The following SLX4IP variants were observed in gnomAD, a reference collection of about 807,000 sequenced individuals.
The protein encoded by SLX4IP is protein SLX4IP.
SLX4IP carries 34 observed loss-of-function variants against 32.9 expected under a neutral mutation model. That is an observed-to-expected ratio of 1.03 (90% CI 0.79 to 1.38). The LOEUF (loss-of-function observed/expected upper bound fraction) is 1.38, where lower values mean the gene tolerates loss of function less well. Ranked by LOEUF, SLX4IP falls within the 40% of genes most tolerant of loss-of-function variation. SLX4IP has a pLI of 0.00. For synonymous variants in SLX4IP, 172 were observed against 171.7 expected (o/e 1.00, Z -0.01); for missense variants, 444 against 479.0 (o/e 0.93, Z 0.68).
intron 2 of SLX4IP, among the ~76,000 whole-genome samples, chr20:10,482,275 G>T (rs1216016867): frequency 3.9e-5 from 6 of 152,154 alleles, no homozygotes; most frequent in Non-Finnish European, 7.3e-5. Context: ...TTCCTTTTGG[G>T]TTGGACATGT....
intron 4 of SLX4IP, among the ~76,000 whole-genome samples, chr20:10,562,252 G>A (rs2066341034): frequency 6.6e-6 from 1 of 152,208 alleles, no homozygotes; most frequent in Non-Finnish European, 1.5e-5. Context: ...TCACACGTGG[G>A]CTTGGAGAAT....
At chr20:10,439,413 T>C (rs1298274802) in intron 1 of SLX4IP, among the ~76,000 whole-genome samples, 1 of 152,132 alleles carries the variant, frequency 6.6e-6, no homozygotes, top group Non-Finnish European at 1.5e-5. Context: ...TTTTACCATG[T>C]TACCCAGACC....
At chr20:10,523,658 C>G (rs1211977545) in intron 2 of SLX4IP, among the ~76,000 whole-genome samples, 1 of 152,244 alleles carries the variant, frequency 6.6e-6, no homozygotes, top group Non-Finnish European at 1.5e-5. Flanking sequence ...CGGTGCCCGG[C>G]ACCAAACACC....
chr20:10,436,749 T>C (rs2065119135), intron 1 of SLX4IP, among the ~76,000 whole-genome samples: 1 of 152,172 alleles, frequency 6.6e-6, no homozygotes, highest in African/African-American at 2.4e-5. Flanking sequence ...ATTTGACAGG[T>C]TTTTTTCTGT....
chr20:10,618,941 G>T (rs1415890180), intron 6 of SLX4IP, among the ~76,000 whole-genome samples: 1 of 128,016 alleles, frequency 7.8e-6, no homozygotes, highest in African/African-American at 2.8e-5. Context: ...CTTGGGGGTT[G>T]GGGGGGCGGG....
chr20:10,473,989 A>AT (rs2065451330), intron 2 of SLX4IP, among the ~76,000 whole-genome samples: 1 of 151,932 alleles, frequency 6.6e-6, no homozygotes, highest in South Asian at 2.1e-4. Context: ...TGCCTGGCTA[A>AT]TTTTTGTATT....
At chr20:10,461,750 C>T (rs1180915706) in intron 2 of SLX4IP, among the ~76,000 whole-genome samples, 1 of 152,156 alleles carries the variant, frequency 6.6e-6, no homozygotes, top group East Asian at 1.9e-4. Flanking sequence ...TTGCCTTTCC[C>T]TGTTTTTCTT....
intron 2 of SLX4IP, among the ~76,000 whole-genome samples, chr20:10,504,149 G>T (rs1035077344): frequency 1.3e-5 from 2 of 152,116 alleles, no homozygotes; most frequent in Non-Finnish European, 2.9e-5. Context: ...TCCTTTGACA[G>T]CCTTGAGCTT....
intron 2 of SLX4IP, among the ~76,000 whole-genome samples, chr20:10,518,520 TCC>T (rs1283421076): frequency 5.8e-4 from 82 of 141,074 alleles, no homozygotes; most frequent in African/African-American, 2.0e-3. Context: ...CTTCCTTCCT[TCC>T]TTCCTTCCTT....
At chr20:10,478,879 T>G (rs1334665180) in intron 2 of SLX4IP, among the ~76,000 whole-genome samples, 1 of 152,228 alleles carries the variant, frequency 6.6e-6, no homozygotes, top group Non-Finnish European at 1.5e-5. Flanking sequence ...CTTGAGCTCC[T>G]TTGGCTTACC....
Position 10,461,793 on chromosome 20 carries a change from T to C in SLX4IP, c.27+3562T>C, listed in dbSNP as rs1600895339. ...TTACTTTGAGAGTGCTTTTTTCCTC[T>C]CTGAAACAGGATCTCACTCAGTCGC... is the stretch of plus-strand genomic sequence containing the variant. On this transcript the variant is annotated intron_variant, in intron 2 of 7. Coordinates refer to ENST00000334534, the MANE Select transcript of SLX4IP (RefSeq NM_001009608.3). 3.3e-5 allele frequency among the ~76,000 whole-genome samples: 5 copies of C among 152,300 alleles called. 1 individual carries two copies. Among genetic ancestry groups the C allele is most frequent in the Admixed American group, 3.3e-4 (5 of 15,296 alleles).
chr20:10,506,947 A>C (rs1011124963), intron 2 of SLX4IP, among the ~76,000 whole-genome samples: 2 of 152,220 alleles, frequency 1.3e-5, no homozygotes, highest in African/African-American at 4.8e-5. Context: ...TGATGATTTG[A>C]TGAACTTACA....
chr20:10,497,655 T>C (rs1600931455), intron 2 of SLX4IP, among the ~76,000 whole-genome samples: 1 of 152,156 alleles, frequency 6.6e-6, no homozygotes, highest in Admixed American at 6.5e-5. Flanking sequence ...TGAAATGATG[T>C]TTTTATTTCT....
At chr20:10,452,392 G>T (rs994978211) in intron 1 of SLX4IP, among the ~76,000 whole-genome samples, 1 of 151,788 alleles carries the variant, frequency 6.6e-6, no homozygotes, top group Non-Finnish European at 1.5e-5. Context: ...TAGGCTGGGC[G>T]CAGTGGCTCA....
At chr20:10,471,693 C>T (rs1026255800) in intron 2 of SLX4IP, among the ~76,000 whole-genome samples, 1 of 152,136 alleles carries the variant, frequency 6.6e-6, no homozygotes, top group Non-Finnish European at 1.5e-5. Context: ...ACAAAGAAGC[C>T]CCACTATTCT....
At chr20:10,611,478 T>G (rs2066965674) in intron 6 of SLX4IP, among the ~76,000 whole-genome samples, 1 of 152,234 alleles carries the variant, frequency 6.6e-6, no homozygotes, top group Non-Finnish European at 1.5e-5. Flanking sequence ...TTGGCTTCAC[T>G]CTCAGCTTAT....
intron 1 of SLX4IP, among the ~76,000 whole-genome samples, chr20:10,448,153 C>G (rs2065215895): frequency 6.6e-6 from 1 of 152,144 alleles, no homozygotes; most frequent in African/African-American, 2.4e-5. Context: ...TATGTTCACT[C>G]ATAGAATTGA....
chr20:10,440,605 C>G, intron 1 of SLX4IP, among the ~76,000 whole-genome samples: 1 of 152,112 alleles, frequency 6.6e-6, no homozygotes, highest in East Asian at 1.9e-4. Flanking sequence ...TGGAACAGTT[C>G]CATCAGCTCC....
intron 2 of SLX4IP, among the ~76,000 whole-genome samples, chr20:10,483,406 G>A (rs1238784232): frequency 6.6e-6 from 1 of 152,154 alleles, no homozygotes; most frequent in Non-Finnish European, 1.5e-5. Context: ...ACATGCATGA[G>A]CCACTGCGCT....
Sources: allele counts gnomAD v4.1 joint callset (sites outside exome capture counted in the v4.1 genomes callset), GRCh38; gene constraint gnomAD v4.1.1; transcripts MANE v1.5; gene names NCBI Gene and HGNC (gene_info 2026-07-23, HGNC 2026-07-21).